Variants in MAD2L1 observed in about 807,000 individuals in gnomAD.
MAD2L1 encodes the protein mitotic spindle assembly checkpoint protein MAD2A.
MAD2L1 carries 10 observed loss-of-function variants against 25.9 expected under a neutral mutation model. The ratio of observed to expected loss-of-function variants is 0.39; its 90% confidence interval spans 0.24 to 0.66. The LOEUF is 0.66. MAD2L1 is among the 30% of genes least tolerant of loss of function. The pLI is 0.49. For synonymous variants in MAD2L1, 81 were observed against 91.8 expected (o/e 0.88, Z 0.67); for missense variants, 180 against 246.4 (o/e 0.73, Z 1.80).
At chr4:120,063,077 TCA>T (rs1726252678) in intron 2 of MAD2L1, among the ~76,000 whole-genome samples, 1 of 152,194 alleles carries the variant, frequency 6.6e-6, no homozygotes, top group South Asian at 2.1e-4. Context: ...TTAAAGAGTA[TCA>T]GTCTTGGAGA....
chr4:120,062,212 C>T, intron 2 of MAD2L1, 117 bp from the exon 3 acceptor site: 1 of 860,220 alleles, frequency 1.2e-6, no homozygotes, highest in East Asian at 2.6e-5. Context: ...CTGGGACCTC[C>T]TCCTATGTGC....
Position 120,061,961 on chromosome 4 carries a change from T to A in MAD2L1, c.341+14A>T, listed in dbSNP as rs760153205. ...AAAATATATCAAAGTAGAAATAATG[T>A]AATTCCTATTTACCTGTCATCTTTT... is the stretch of plus-strand genomic sequence containing the variant. On this transcript the variant is annotated intron_variant, in intron 3 of 4. Coordinates refer to ENST00000296509, the MANE Select transcript of MAD2L1 (RefSeq NM_002358.4). 12 of 1,586,740 alleles carry A rather than the reference T, an allele frequency of 7.6e-6. No homozygotes were observed. In the South Asian group the frequency reaches 1.4e-4, roughly 19 times the overall value.
At chr4:120,065,921 A>G (rs1367878450) in intron 1 of MAD2L1, 103 bp from the exon 2 acceptor site, 3 of 1,152,640 alleles carry the variant, frequency 2.6e-6, no homozygotes, top group Non-Finnish European at 3.7e-6. Flanking sequence ...CTATACAGCT[A>G]TAAATGACTG....
In MAD2L1 at chr4:120,057,294, T is replaced by C. The variant is rs1307162603; in HGVS notation, c.*2824A>G. The C allele has an allele frequency of 1.3e-5, 2 of 152,206 alleles. No homozygotes were observed. The highest frequency in any genetic ancestry group is 2.9e-5 in the Non-Finnish European group (2 of 68,044). The allele number at this position is 152,206 out of a possible 1,614,324, so 9.4% of individuals were successfully genotyped here. A position where few individuals can be genotyped will look rare whatever the true frequency, so the allele number is the denominator to read the frequency against. On this transcript the variant is annotated 3_prime_UTR_variant, in exon 5 of 5. Transcript: ENST00000296509. ...CTCGGTGCCATTCCCACCACCTCCA[T>C]GGGAGGAGTATACTTCCTGGTCCCA...
chr4:120,060,025 A>G lies in MAD2L1; in HGVS notation c.*93T>C, dbSNP rs1331756145. 1 of 1,118,828 alleles carries G rather than the reference A, an allele frequency of 8.9e-7. No homozygotes were observed. Among genetic ancestry groups the G allele is most frequent in the Non-Finnish European group, 1.3e-6 (1 of 786,392 alleles). The allele number at this position is 1,118,828 out of a possible 1,614,324, so 69.3% of individuals were successfully genotyped here. ...TTTGGTTTTCTCCATGTAAAAATTAACCAATGAAATAAAACATATCAACTA... is the reference window on the plus strand; with the variant it reads ...TTTGGTTTTCTCCATGTAAAAATTAGCCAATGAAATAAAACATATCAACTA... On this transcript the variant is annotated 3_prime_UTR_variant, in exon 5 of 5. Coordinates refer to ENST00000296509, the MANE Select transcript of MAD2L1 (RefSeq NM_002358.4).
intron 1 of MAD2L1, 77 bp from the exon 2 acceptor site, chr4:120,065,895 C>T: frequency 6.8e-7 from 1 of 1,462,974 alleles, no homozygotes; most frequent in Middle Eastern, 2.1e-4. Flanking sequence ...TTAGATGTTG[C>T]TATATTTTCA....
Sources: gnomAD v4.1 joint callset for allele counts (sites outside exome capture counted in the v4.1 genomes callset) on GRCh38, gnomAD v4.1.1 for gene constraint, MANE v1.5 for transcripts, NCBI Gene and HGNC (gene_info 2026-07-23, HGNC 2026-07-21) for gene names.